The following RAB11FIP4 variants were observed in gnomAD, a reference collection of about 807,000 sequenced individuals.
The protein encoded by RAB11FIP4 is rab11 family-interacting protein 4.
A neutral mutation model predicts 74.3 loss-of-function variants in RAB11FIP4; 23 were observed. The ratio of observed to expected loss-of-function variants is 0.31; its 90% CI spans 0.22 to 0.44. The LOEUF is 0.44. Ranked by LOEUF, RAB11FIP4 falls within the 20% of genes least tolerant of loss-of-function variation. The probability of loss-of-function intolerance (pLI) is 1.00; values close to 1 mark genes in which losing one functional copy is unlikely to be tolerated. For missense variants in RAB11FIP4, 630 were observed against 863.9 expected, an observed-to-expected ratio of 0.73 and a Z score of 3.39; for synonymous variants, 360 against 359.9, an observed-to-expected ratio of 1.00 and a Z score of 0.00.
chr17:31,392,024 G>T lies in RAB11FIP4; in HGVS notation c.159+13G>T. 1 of 1,291,970 alleles carries T rather than the reference G, an allele frequency of 7.7e-7. No individual in the cohort carries two copies. Among genetic ancestry groups the T allele is most frequent in the South Asian group, 2.2e-5 (1 of 45,624 alleles). 80.0% of individuals were successfully genotyped at this position (1,291,970 alleles called of 1,614,324 possible). ...CCAGGGCGAGGAGGTAAGCTGGCCC[G>T]ACCCCAGTCCCGGCCCGGGGACCCC... On this transcript the variant is annotated intron_variant, in intron 1 of 14. Coordinates refer to ENST00000621161, the MANE Select transcript of RAB11FIP4 (RefSeq NM_032932.6).
At chr17:31,508,293 G>A (rs1017003864) in intron 3 of RAB11FIP4, among the ~76,000 whole-genome samples, 1 of 152,174 alleles carries the variant, frequency 6.6e-6, no homozygotes, top group Non-Finnish European at 1.5e-5. Flanking sequence ...ATCCTAATGG[G>A]CTTGAAAACC....
intron 3 of RAB11FIP4, among the ~76,000 whole-genome samples, chr17:31,451,610 CCG>C (rs2071528431): frequency 6.6e-6 from 1 of 152,116 alleles, no homozygotes; most frequent in Non-Finnish European, 1.5e-5. Context: ...TCCCAGATTC[CCG>C]GTGACTCTCA....
chr17:31,434,419 A>G (rs2071339512), intron 3 of RAB11FIP4, among the ~76,000 whole-genome samples: 1 of 152,068 alleles, frequency 6.6e-6, no homozygotes, highest in Non-Finnish European at 1.5e-5. Context: ...GCAGGACTAG[A>G]ATTGTTTCCT....
intron 3 of RAB11FIP4, among the ~76,000 whole-genome samples, chr17:31,438,776 C>G (rs1379052809): frequency 2.0e-5 from 3 of 152,150 alleles, no homozygotes; most frequent in East Asian, 3.9e-4. Context: ...AGGATGTCCT[C>G]CCTCCCGCTT....
chr17:31,453,792 C>CAAA (rs555119408), intron 3 of RAB11FIP4, among the ~76,000 whole-genome samples: 28 of 62,506 alleles, frequency 4.5e-4, no homozygotes, highest in African/African-American at 5.8e-4. Flanking sequence ...AGACTCGTCT[C>CAAA]AAAAAAAAAA....
At chr17:31,492,454 G>C (rs1373364538) in intron 3 of RAB11FIP4, among the ~76,000 whole-genome samples, 1 of 152,074 alleles carries the variant, frequency 6.6e-6, no homozygotes, top group Non-Finnish European at 1.5e-5. Context: ...TTGGTGGGTG[G>C]GGCTTCAGCA....
intron 3 of RAB11FIP4, among the ~76,000 whole-genome samples, chr17:31,514,336 A>T (rs548944078): frequency 6.6e-6 from 1 of 152,348 alleles, no homozygotes; most frequent in African/African-American, 2.4e-5. Flanking sequence ...GTCAGTGGCC[A>T]GAGGCCACGT....
At chr17:31,527,551 GCCA>G (rs1249424460) in intron 10 of RAB11FIP4, 1 of 318,298 alleles carries the variant, frequency 3.1e-6, no homozygotes, top group Non-Finnish European at 5.8e-6. Flanking sequence ...CTGAGATTGT[GCCA>G]CCTCACTCCA....
Position 31,391,871 on chromosome 17 carries a change from T to A in RAB11FIP4, c.19T>A (p.Trp7Arg), listed in dbSNP as rs1161603909. Residue 7 changes from tryptophan (W) to arginine (R), a missense_variant, in exon 1 of 15, where the codon TGG (tryptophan) becomes AGG (arginine). Coordinates refer to ENST00000621161, the MANE Select transcript of RAB11FIP4 (RefSeq NM_032932.6). ...GGCCCGGATGGCGGGCGGCGCGGGC[T>A]GGTCGGGCGCCCCCGCGGCTCTGCT... MAGGAG[W>R]SGAPAALLRS... The A allele has an allele frequency of 8.6e-7, 1 of 1,168,796 alleles. No homozygotes were observed. Among genetic ancestry groups the A allele is most frequent in the Non-Finnish European group, 1.1e-6 (1 of 950,840 alleles). The allele number at this position is 1,168,796 out of a possible 1,614,324, so 72.4% of individuals were successfully genotyped here.
chr17:31,436,082 G>C (rs1020546430), intron 3 of RAB11FIP4, among the ~76,000 whole-genome samples: 2 of 152,212 alleles, frequency 1.3e-5, no homozygotes, highest in Non-Finnish European at 2.9e-5. Context: ...TTCCTGGATT[G>C]CTGAGCAGGA....
At chr17:31,432,586 C>G (rs2071321577) in intron 2 of RAB11FIP4, among the ~76,000 whole-genome samples, 1 of 152,108 alleles carries the variant, frequency 6.6e-6, no homozygotes, top group South Asian at 2.1e-4. Context: ...TCTTGAACTC[C>G]TGAGATCAAG....
intron 3 of RAB11FIP4, among the ~76,000 whole-genome samples, chr17:31,489,663 G>A (rs1346452672): frequency 6.6e-6 from 1 of 152,224 alleles, no homozygotes; most frequent in Non-Finnish European, 1.5e-5. Flanking sequence ...CTCTGGGCCT[G>A]CCCAGCTCTT....
At chr17:31,468,674 C>CA (rs1299634537) in intron 3 of RAB11FIP4, among the ~76,000 whole-genome samples, 2 of 151,948 alleles carry the variant, frequency 1.3e-5, no homozygotes, top group Admixed American at 1.3e-4. Context: ...ACTAAAAGTA[C>CA]AAAAAATTAG....
intron 3 of RAB11FIP4, among the ~76,000 whole-genome samples, chr17:31,459,646 G>A (rs1045486651): frequency 6.6e-6 from 1 of 152,006 alleles, no homozygotes; most frequent in African/African-American, 2.4e-5. Context: ...CTACTCCTGG[G>A]CTTTTGCCCA....
At chr17:31,392,948 G>T (rs542594799) in intron 1 of RAB11FIP4, among the ~76,000 whole-genome samples, 1 of 152,342 alleles carries the variant, frequency 6.6e-6, no homozygotes, top group African/African-American at 2.4e-5. Flanking sequence ...CTGGGGCCAT[G>T]GGCCTCAAAT....
chr17:31,476,172 C>CTTTTT lies in RAB11FIP4; in HGVS notation c.337-41453_337-41449dup, dbSNP rs71369069. Among the ~76,000 whole-genome samples, 358 of 63,566 alleles carry CTTTTT rather than the reference C, an allele frequency of 5.6e-3. 46 individuals carry two copies. The highest frequency in any genetic ancestry group is 7.4e-3 in the Non-Finnish European group (267 of 35,846). 41.7% of individuals were successfully genotyped at this position (63,566 alleles called of 152,430 possible). A position where few individuals can be genotyped will look rare whatever the true frequency, so the allele number is the denominator to read the frequency against. The stretch of plus-strand genomic sequence containing the variant: ...CTGCAAATAATGAGAATCGACTGAA[C>CTTTTT]TTTTTTTTTTTTTTTTTTTTTTTTT... On this transcript the variant is annotated intron_variant, in intron 3 of 14. Transcript: ENST00000621161.
chr17:31,516,766 G>T (rs1490559544), intron 3 of RAB11FIP4, among the ~76,000 whole-genome samples: 1 of 152,228 alleles, frequency 6.6e-6, no homozygotes, highest in Non-Finnish European at 1.5e-5. Context: ...CGTGCCTAGA[G>T]ATTTATTGAA....
intron 10 of RAB11FIP4, chr17:31,527,484 C>G (rs1450741023): frequency 2.0e-5 from 4 of 202,372 alleles, no homozygotes; most frequent in Non-Finnish European, 4.0e-5. Context: ...GCCTCTAATC[C>G]CAGCTATTCA....
chr17:31,403,947 C>T (rs903035940), intron 1 of RAB11FIP4, among the ~76,000 whole-genome samples: 4 of 152,192 alleles, frequency 2.6e-5, no homozygotes, highest in Admixed American at 2.6e-4. Flanking sequence ...CTGGGCTCTG[C>T]AGGATGGGCG....
Sources: allele counts gnomAD v4.1 joint callset (sites outside exome capture counted in the v4.1 genomes callset), GRCh38; gene constraint gnomAD v4.1.1; transcripts MANE v1.5; gene names NCBI Gene and HGNC (gene_info 2026-07-23, HGNC 2026-07-21).